NUP214: variants seen among roughly 807,000 people sequenced by gnomAD.
The protein encoded by NUP214 is nucleoporin 214.
In NUP214, 79 loss-of-function variants were observed where a neutral mutation model predicts 196.2. The ratio of observed to expected loss-of-function variants is 0.40; its 90% confidence interval spans 0.34 to 0.49. NUP214 has a LOEUF of 0.49. Ranked by LOEUF, NUP214 falls within the 20% of genes least tolerant of loss-of-function variation. NUP214 has a pLI of 0.58. For synonymous variants in NUP214, 1,020 were observed against 990.5 expected (o/e 1.03, Z -0.56); for missense variants, 2,468 against 2,539.0 (o/e 0.97, Z 0.60).
intron 27 of NUP214, chr9:131,194,056 T>A (rs1488561642): frequency 6.6e-6 from 1 of 152,012 alleles, no homozygotes; most frequent in East Asian, 1.9e-4. Context: ...TTTTTTTTTT[T>A]ATTTTTAATA....
At chr9:131,196,456 C>T (rs995206903) in intron 28 of NUP214, among the ~76,000 whole-genome samples, 45 of 152,180 alleles carry the variant, frequency 3.0e-4, no homozygotes, top group African/African-American at 7.5e-4. Context: ...CCACCACGCC[C>T]GGCCTCGTTA....
At position 131,144,425 on chromosome 9, in the gene NUP214, T is replaced by C. The variant is rs764467388; in HGVS notation, c.1440T>C (p.Thr480=). ...TGCTTCCTGCTGGTGGAGCCCCCAC[T>C]GTGTTCTCCTTTGGTTCTTCATCTT... ...FSLLPAGGAP[T]VFSFGSSSLK... is the part of the protein sequence containing the mutation. The change falls in exon 12 of 36, where the codon ACT becomes ACC. Residue 480 remains threonine, a synonymous_variant. Transcript: ENST00000359428. 6 of 1,614,070 alleles carry C rather than the reference T, an allele frequency of 3.7e-6. No individual in the cohort carries two copies. Among genetic ancestry groups the C allele is most frequent in the South Asian group, 1.1e-5 (1 of 91,088 alleles).
chr9:131,159,377 T>C lies in NUP214; in HGVS notation c.2437-6T>C. ...AGTTATTTGCCTTTTAATTTTTTTC[T>C]TATAGGAAATTCGGCGCCTTCATCA... On this transcript the variant is annotated splice_polypyrimidine_tract_variant and splice_region_variant and intron_variant, in intron 17 of 35. Coordinates refer to ENST00000359428, the MANE Select transcript of NUP214 (RefSeq NM_005085.4). The C allele has an allele frequency of 6.2e-7, 1 of 1,609,674 alleles. No individual in the cohort carries two copies. The highest frequency in any genetic ancestry group is 8.5e-7 in the Non-Finnish European group (1 of 1,177,800).
chr9:131,196,380 C>T lies in NUP214; in HGVS notation c.3722-836C>T, dbSNP rs185849220. ...CACCATGTTGATTGATCAGGCTGGT[C>T]TCGAACTCCTGACCTCGTGATCCAC... On this transcript the variant is annotated intron_variant, in intron 28 of 35. Transcript: ENST00000359428. 9.8e-3 allele frequency among the ~76,000 whole-genome samples: 1,484 copies of T among 152,204 alleles called. 19 individuals are homozygous for T. Among genetic ancestry groups the T allele is most frequent in the African/African-American group, 0.034 (1,418 of 41,532 alleles).
Position 131,133,208 on chromosome 9 carries a change from C to T in NUP214, c.830C>T (p.Pro277Leu), listed in dbSNP as rs376423433. Residue 277 changes from proline to leucine, a missense_variant and splice_region_variant, in exon 7 of 36, where the codon CCG becomes CTG. Pro to Leu is a moderately conservative substitution (Grantham distance 98, BLOSUM62 -3). Around this residue, in one of 5 missense-constraint regions of NUP214, gnomAD observed 392 missense variants for 417.9 expected, o/e 0.94. Transcript: ENST00000359428. Reference sequence around the variant, plus strand: ...CCAGATGTGGTGATGGCTCTACTACCGGTATGCCTGTGGAAGAAATTTCAT... The same window carrying T: ...CCAGATGTGGTGATGGCTCTACTACTGGTATGCCTGTGGAAGAAATTTCAT... ...TSPDVVMALLPKKEEKHPEIF... is the reference protein window; with the variant it reads ...TSPDVVMALLLKKEEKHPEIF... 1.3e-5 allele frequency: 19 copies of T among 1,514,254 alleles called. No homozygotes were observed. The highest frequency in any genetic ancestry group is 6.9e-5 in the Admixed American group (3 of 43,284). The allele number at this position is 1,514,254 out of a possible 1,614,324, so 93.8% of individuals were successfully genotyped here.
intron 9 of NUP214, among the ~76,000 whole-genome samples, chr9:131,136,253 T>G (rs1045120057): frequency 7.2e-5 from 11 of 152,266 alleles, no homozygotes; most frequent in Non-Finnish European, 1.5e-4. Flanking sequence ...TTGGCCAGGC[T>G]GGTCACAAAC....
At chr9:131,163,809 C>T (rs955336818) in intron 19 of NUP214, 61 bp from the exon 20 acceptor site, 4 of 1,226,510 alleles carry the variant, frequency 3.3e-6, no homozygotes, top group Non-Finnish European at 4.8e-6. Flanking sequence ...ATAGTGTACC[C>T]CCGACAGCCT....
At chr9:131,216,213 CTTTTTTT>C (rs113694633) in intron 31 of NUP214, among the ~76,000 whole-genome samples, 2 of 122,714 alleles carry the variant, frequency 1.6e-5, no homozygotes, top group Non-Finnish European at 3.5e-5. Context: ...TTTAAAAATT[CTTTTTTT>C]TTTTTTTTTC....
At chr9:131,223,729 T>TTATTTTA (rs1166795104) in intron 32 of NUP214, among the ~76,000 whole-genome samples, 9 of 21,588 alleles carry the variant, frequency 4.2e-4, no homozygotes, top group South Asian at 3.3e-3. Context: ...ATTTATTTAT[T>TTATTTTA]TTTTTTTTTT....
Position 131,163,126 on chromosome 9 carries a change from C to T in NUP214, c.2676C>T (p.Ser892=), listed in dbSNP as rs753094227. The T allele has an allele frequency of 7.1e-5, 114 of 1,614,130 alleles. 1 individual carries two copies. In the East Asian group the frequency reaches 2.5e-3, roughly 35 times the overall value. The change falls in exon 19 of 36, where the codon TCC becomes TCT. Residue 892 remains serine (S), a synonymous_variant. Transcript: ENST00000359428. ...AGCTCCGCCTTTACAAACAGACTTC[C>T]CTGTGGAGCCTGTCCTCGGCTGTTC... ...LQQLRLYKQT[S]LWSLSSAVPS... is the part of the protein sequence containing the mutation.
At chr9:131,135,599 C>T (rs1227437651) in intron 8 of NUP214, among the ~76,000 whole-genome samples, 1 of 152,104 alleles carries the variant, frequency 6.6e-6, no homozygotes, top group African/African-American at 2.4e-5. Flanking sequence ...GCAGAGTTGC[C>T]CTTTGGAATG....
At chr9:131,213,227 G>A (rs533968341) in intron 30 of NUP214, among the ~76,000 whole-genome samples, 1 of 149,882 alleles carries the variant, frequency 6.7e-6, no homozygotes, top group African/African-American at 2.5e-5. Context: ...CCAGACTGAA[G>A]TTCAATGGCA....
At chr9:131,138,513 C>T (rs1163233489) in intron 9 of NUP214, among the ~76,000 whole-genome samples, 2 of 152,196 alleles carry the variant, frequency 1.3e-5, no homozygotes, top group Non-Finnish European at 2.9e-5. Flanking sequence ...CCACTACATC[C>T]AGCCTGTTTT....
Position 131,176,436 on chromosome 9 carries a change from C to G in NUP214, c.3319+815C>G, listed in dbSNP as rs542155998. On this transcript the variant is annotated intron_variant, in intron 23 of 35. Transcript: ENST00000359428. ...TGATCTCCCGAACCCAGGTGACCTT[C>G]CCACCTCAGCCTCCTGGATAGCTAG... Among the ~76,000 whole-genome samples the G allele has an allele frequency of 8.6e-5, 13 of 152,010 alleles. No individual in the cohort carries two copies. The South Asian group carries it at 2.5e-3, about 29-fold the overall frequency.
rs745381298 is a variant in NUP214 at position 131,137,926 on chromosome 9, A to G, written c.1006-1355A>G. ...CCACCCTTTCCCTTGGTAGCCTTCC[A>G]GTTGTTATCTGCGTCTTCTCTTTTG... On this transcript the variant is annotated intron_variant, in intron 9 of 35. Coordinates refer to ENST00000359428, the MANE Select transcript of NUP214 (RefSeq NM_005085.4). Among the ~76,000 whole-genome samples the G allele has an allele frequency of 1.1e-4, 17 of 152,218 alleles. 1 individual carries two copies. Among genetic ancestry groups the G allele is most frequent in the Non-Finnish European group, 2.1e-4 (14 of 68,010 alleles).
chr9:131,166,200 A>G (rs1044510379), intron 21 of NUP214, among the ~76,000 whole-genome samples: 2 of 152,230 alleles, frequency 1.3e-5, no homozygotes, highest in Non-Finnish European at 2.9e-5. Context: ...GTGTTTAAAT[A>G]TTCTTTGAAC....
At chr9:131,227,818 C>G (rs1275803689) in intron 32 of NUP214, among the ~76,000 whole-genome samples, 1 of 152,054 alleles carries the variant, frequency 6.6e-6, no homozygotes, top group Non-Finnish European at 1.5e-5. Context: ...GAAGGTGCAC[C>G]GAGTGGGCTC....
chr9:131,175,330 TG>T, intron 22 of NUP214, 129 bp from the exon 23 acceptor site: 1 of 1,053,234 alleles, frequency 9.5e-7, no homozygotes, highest in Non-Finnish European at 1.4e-6. Context: ...GTTAGTTTAC[TG>T]GTACTTTTCT....
intron 19 of NUP214, 39 bp from the exon 20 acceptor site, chr9:131,163,831 G>A: frequency 6.6e-7 from 1 of 1,512,722 alleles, no homozygotes; most frequent in Non-Finnish European, 9.2e-7. Flanking sequence ...CGATCTTTCA[G>A]CTCCTAGTTG....
Sources: allele counts gnomAD v4.1 joint callset (sites outside exome capture counted in the v4.1 genomes callset), GRCh38; gene constraint gnomAD v4.1.1; regional missense constraint gnomAD v4.1.1; transcripts MANE v1.5; gene names NCBI Gene and HGNC (gene_info 2026-07-23, HGNC 2026-07-21).